Variants in SFSWAP observed in about 807,000 individuals in gnomAD.
The protein encoded by SFSWAP is splicing factor SWAP, also known as splicing factor, suppressor of white-apricot homolog.
Under a neutral mutation model 100.7 loss-of-function variants are expected in SFSWAP, and 17 were observed. That is an observed-to-expected ratio of 0.17 (90% CI 0.12 to 0.25). The LOEUF is 0.25. Ranked by LOEUF, SFSWAP falls within the 10% of genes least tolerant of loss-of-function variation. The pLI is 1.00. For synonymous variants in SFSWAP, 504 were observed against 510.1 expected (o/e 0.99, Z 0.16); for missense variants, 1,005 against 1,262.6 (o/e 0.80, Z 3.09).
chr12:131,799,305 G>A (rs576976210), intron 17 of SFSWAP, 118 bp from the exon 18 acceptor site: 188 of 1,170,118 alleles, frequency 1.6e-4, no homozygotes, highest in Admixed American at 5.1e-4. Context: ...CTCCTCCGCC[G>A]CCCCCACGGT....
intron 7 of SFSWAP, among the ~76,000 whole-genome samples, chr12:131,731,698 T>C (rs1879523968): frequency 6.6e-6 from 1 of 152,152 alleles, no homozygotes; most frequent in Admixed American, 6.5e-5. Context: ...TTCAAGATAA[T>C]ATTGTTACGT....
chr12:131,755,677 A>G (rs1331106564), intron 10 of SFSWAP, among the ~76,000 whole-genome samples, 198 bp downstream of exon 10: 1 of 152,192 alleles, frequency 6.6e-6, no homozygotes, highest in African/African-American at 2.4e-5. Context: ...GCATCTGCCC[A>G]CGTTCACAGC....
intron 14 of SFSWAP, chr12:131,783,794 A>ATT (rs1407132442): frequency 6.9e-5 from 2 of 28,966 alleles, no homozygotes; most frequent in African/African-American, 1.0e-4. Context: ...AAAACATTTT[A>ATT]TATATATATA....
Position 131,711,456 on chromosome 12 carries a change from C to T in SFSWAP, c.218+9C>T, listed in dbSNP as rs745616460. The T allele has an allele frequency of 2.5e-6, 4 of 1,603,272 alleles. No individual in the cohort carries two copies. The highest frequency in any genetic ancestry group is 1.1e-5 in the South Asian group (1 of 90,846). On this transcript the variant is annotated intron_variant, in intron 1 of 17. Coordinates refer to ENST00000261674, the MANE Select transcript of SFSWAP (RefSeq NM_004592.4). The surrounding 1 kb of genome is among the most constrained non-coding windows in gnomAD (Gnocchi z 4.9). Reference sequence around the variant, plus strand: ...AAGATCCTCATCGACAGGTCGGTTCCTCTCCCCACCCGTCGATCCTTCCCT... The same window carrying T: ...AAGATCCTCATCGACAGGTCGGTTCTTCTCCCCACCCGTCGATCCTTCCCT...
Position 131,711,549 on chromosome 12 carries a change from C to T in SFSWAP, c.218+102C>T. 1.0e-6 allele frequency: 1 copy of T among 980,782 alleles called. No homozygotes were observed. Among genetic ancestry groups the T allele is most frequent in the South Asian group, 1.5e-5 (1 of 67,078 alleles). 60.8% of individuals were successfully genotyped at this position (980,782 alleles called of 1,614,324 possible). ...AGGACTGCAGAGAGTTTTCTGGAGCCAGCGGGGATCTGGGGGACACCCCCT... is the reference window on the plus strand; with the variant it reads ...AGGACTGCAGAGAGTTTTCTGGAGCTAGCGGGGATCTGGGGGACACCCCCT... On this transcript the variant is annotated intron_variant, in intron 1 of 17. Coordinates refer to ENST00000261674, the MANE Select transcript of SFSWAP (RefSeq NM_004592.4). This position sits in a 1 kb window ranked among gnomAD's most constrained non-coding sequence, Gnocchi z 4.9.
At chr12:131,776,588 G>A (rs1460659761) in intron 13 of SFSWAP, among the ~76,000 whole-genome samples, 1 of 152,188 alleles carries the variant, frequency 6.6e-6, no homozygotes, top group African/African-American at 2.4e-5. Flanking sequence ...GCGGACCTAA[G>A]GAGAGGAAAG....
chr12:131,784,586 A>C (rs1165301435), intron 14 of SFSWAP: 1 of 152,184 alleles, frequency 6.6e-6, no homozygotes, highest in Admixed American at 6.5e-5. Context: ...TGTTTAATTC[A>C]GACCATTTCA....
chr12:131,786,169 A>C lies in SFSWAP; in HGVS notation c.2409-294A>C, dbSNP rs1884873579. ...TTGGTTGCCATTGACCACGTGAAGCAGCTCCAGCCTCCACGCCAGTTGCAT... is the reference window on the plus strand; with the variant it reads ...TTGGTTGCCATTGACCACGTGAAGCCGCTCCAGCCTCCACGCCAGTTGCAT... On this transcript the variant is annotated intron_variant, in intron 14 of 17. Coordinates refer to ENST00000261674, the MANE Select transcript of SFSWAP (RefSeq NM_004592.4). Among the ~76,000 whole-genome samples the C allele has an allele frequency of 2.0e-5, 3 of 152,210 alleles. No individual in the cohort carries two copies. In the South Asian group the frequency reaches 6.2e-4, roughly 32 times the overall value.
intron 16 of SFSWAP, among the ~76,000 whole-genome samples, 164 bp from the exon 17 acceptor site, chr12:131,798,873 G>A (rs1160231566): frequency 6.6e-6 from 1 of 151,940 alleles, no homozygotes; most frequent in African/African-American, 2.4e-5. Flanking sequence ...CTGGGTGACA[G>A]AGTGAAACTC....
At chr12:131,719,011 C>A (rs553958309) in intron 3 of SFSWAP, among the ~76,000 whole-genome samples, 1 of 152,018 alleles carries the variant, frequency 6.6e-6, no homozygotes, top group Non-Finnish European at 1.5e-5. Flanking sequence ...TGCGTAGGTC[C>A]GCTTGTATGA....
At chr12:131,731,712 TTA>T (rs771887136) in intron 7 of SFSWAP, among the ~76,000 whole-genome samples, 2 of 152,158 alleles carry the variant, frequency 1.3e-5, no homozygotes, top group African/African-American at 2.4e-5. Flanking sequence ...GTTACGTTCA[TTA>T]TATGTAGTTT....
At chr12:131,774,686 TA>T (rs1883871425) in intron 13 of SFSWAP, among the ~76,000 whole-genome samples, 1 of 152,204 alleles carries the variant, frequency 6.6e-6, no homozygotes, top group African/African-American at 2.4e-5. Context: ...AAAAAAGCAG[TA>T]ATGTCAACAT....
At chr12:131,797,461 G>A in intron 16 of SFSWAP, 101 bp downstream of exon 16, 1 of 1,106,060 alleles carries the variant, frequency 9.0e-7, no homozygotes. Flanking sequence ...GTACTCGCCT[G>A]TGTCCAGGGG....
chr12:131,769,877 C>T (rs951209841), intron 13 of SFSWAP, among the ~76,000 whole-genome samples: 1 of 151,970 alleles, frequency 6.6e-6, no homozygotes, highest in African/African-American at 2.4e-5. Context: ...TTACACGTAC[C>T]CTCTCACCTC....
chr12:131,799,096 G>A lies in SFSWAP; in HGVS notation c.2777G>A (p.Ser926Asn). Residue 926 changes from serine (S) to asparagine (N), a missense_variant, in exon 17 of 18, where the codon AGC (serine) becomes AAC (asparagine). This residue lies in a region of SFSWAP where 295 missense variants were observed against 347.9 expected (regional missense o/e 0.85). Coordinates refer to ENST00000261674, the MANE Select transcript of SFSWAP (RefSeq NM_004592.4). ...TCAGCAATCGTTTCTTCCGTGCAGA[G>A]CAAAATCACTCAGGTCAGTGGGCAC... ...ISSAIVSSVQ[S>N]KITQDLMAKV... is the part of the protein sequence containing the mutation. The A allele has an allele frequency of 6.2e-7, 1 of 1,613,980 alleles. No individual in the cohort carries two copies.
intron 7 of SFSWAP, among the ~76,000 whole-genome samples, chr12:131,737,719 A>C (rs1880168179): frequency 6.6e-6 from 1 of 151,686 alleles, no homozygotes; most frequent in South Asian, 2.1e-4. Flanking sequence ...GTTCTTTCTT[A>C]TTTACTTCCT....
At chr12:131,748,218 C>T (rs1032437993) in intron 7 of SFSWAP, among the ~76,000 whole-genome samples, 17 of 143,616 alleles carry the variant, frequency 1.2e-4, no homozygotes, top group East Asian at 6.1e-4. Flanking sequence ...TATTTTAATT[C>T]TTTTTTTTTT....
intron 14 of SFSWAP, chr12:131,785,370 C>A: frequency 3.0e-6 from 2 of 664,786 alleles, no homozygotes; most frequent in Non-Finnish European, 4.9e-6. Context: ...CCGAGCTGAT[C>A]TGCAGAAGCA....
At chr12:131,790,673 A>T (rs1302216100) in intron 15 of SFSWAP, among the ~76,000 whole-genome samples, 1 of 152,194 alleles carries the variant, frequency 6.6e-6, no homozygotes, top group Admixed American at 6.5e-5. Flanking sequence ...ATCTTATTGT[A>T]GCAAATACAA....
Sources: allele counts gnomAD v4.1 joint callset (sites outside exome capture counted in the v4.1 genomes callset), GRCh38; gene constraint gnomAD v4.1.1; regional missense constraint gnomAD v4.1.1; non-coding constraint Gnocchi (gnomAD v3.1); transcripts MANE v1.5; gene names NCBI Gene and HGNC (gene_info 2026-07-23, HGNC 2026-07-21).